PANX2: variants seen among roughly 807,000 people sequenced by gnomAD.
The protein encoded by PANX2 is pannexin-2.
In PANX2, 30 loss-of-function variants were observed where a neutral mutation model predicts 38.7. That is an observed-to-expected ratio of 0.78 (90% CI 0.58 to 1.05). The LOEUF is 1.05. Among genes scored for constraint, PANX2 ranks in the 50% least tolerant of loss-of-function variants. The pLI is 0.00. For synonymous variants in PANX2, 539 were observed against 472.1 expected, an observed-to-expected ratio of 1.14 and a Z score of -1.84; for missense variants, 880 against 979.3, an observed-to-expected ratio of 0.90 and a Z score of 1.35.
Position 50,178,422 on chromosome 22 carries a change from G to C in PANX2, c.1690+20G>C, listed in dbSNP as rs192666336. 8.3e-4 allele frequency: 1,141 copies of C among 1,374,054 alleles called. 13 individuals are homozygous for C. In the African/African-American group the frequency reaches 0.015, roughly 19 times the overall value. 85.1% of individuals were successfully genotyped at this position (1,374,054 alleles called of 1,614,324 possible). ...TCAAAGGTAGGGGCAGGGCCGGAGA[G>C]AGGGGACGGGGGACTGGGGGTGGGA... On this transcript the variant is annotated intron_variant, in intron 2 of 2. Transcript: ENST00000395842.
Position 50,170,831 on chromosome 22 carries a change from C to T in PANX2, c.101C>T (p.Ala34Val). ...LILPGAQDDK[A>V]GALAALLLQL... ...CTGCCGGGCGCGCAGGACGACAAGG[C>T]GGGCGCGCTGGCCGCGCTGCTTCTG... is the stretch of plus-strand genomic sequence containing the variant. Residue 34 changes from alanine (A) to valine (V), a missense_variant, in exon 1 of 3, where the codon GCG (alanine) becomes GTG (valine). Around this residue, in one of 4 missense-constraint regions of PANX2, gnomAD observed 243 missense variants for 333.1 expected, o/e 0.73. Transcript: ENST00000395842. 3 of 1,486,198 alleles carry T rather than the reference C, an allele frequency of 2.0e-6. No homozygotes were observed. The highest frequency in any genetic ancestry group is 1.9e-4 in the Middle Eastern group (1 of 5,170). 92.1% of individuals were successfully genotyped at this position (1,486,198 alleles called of 1,614,324 possible).
chr22:50,176,846 G>T (rs1364813696), intron 1 of PANX2, 93 bp from the exon 2 acceptor site: 2 of 1,323,294 alleles, frequency 1.5e-6, no homozygotes, highest in Non-Finnish European at 2.0e-6. Flanking sequence ...TCCTGGGAGG[G>T]GTTCGGCAGG....
chr22:50,174,586 C>T (rs2063652316), intron 1 of PANX2, among the ~76,000 whole-genome samples: 1 of 152,232 alleles, frequency 6.6e-6, no homozygotes, highest in African/African-American at 2.4e-5. Flanking sequence ...AGGATCCACA[C>T]AGCAATGTCT....
chr22:50,172,282 C>T (rs1339641552), intron 1 of PANX2, among the ~76,000 whole-genome samples: 1 of 152,230 alleles, frequency 6.6e-6, no homozygotes, highest in Non-Finnish European at 1.5e-5. Context: ...GTCGGCAGGG[C>T]CCTGCTCCCT....
Position 50,178,243 on chromosome 22 carries a change from C to T in PANX2, c.1531C>T (p.Arg511Cys), listed in dbSNP as rs1312645211. The T allele has an allele frequency of 4.0e-6, 6 of 1,514,480 alleles. No homozygotes were observed. Among genetic ancestry groups the T allele is most frequent in the Non-Finnish European group, 5.3e-6 (6 of 1,138,650 alleles). The allele number at this position is 1,514,480 out of a possible 1,614,324, so 93.8% of individuals were successfully genotyped here. ...PPPAPDKKHARHFSLDVHPYI... is the reference protein window; with the variant it reads ...PPPAPDKKHACHFSLDVHPYI... ...GCCCGCCCCTGACAAGAAGCACGCGCGCCACTTCTCCCTGGACGTGCACCC... is the reference window on the plus strand; with the variant it reads ...GCCCGCCCCTGACAAGAAGCACGCGTGCCACTTCTCCCTGGACGTGCACCC... Residue 511 changes from arginine to cysteine, a missense_variant, in exon 2 of 3, where the codon CGC (arginine) becomes TGC (cysteine). Physicochemically the swap from Arg to Cys is radical, Grantham distance 180. Transcript: ENST00000395842.
Position 50,179,026 on chromosome 22 carries a change from C to T in PANX2, c.1783C>T (p.Pro595Ser), listed in dbSNP as rs773415508. 6.2e-7 allele frequency: 1 copy of T among 1,610,814 alleles called. No homozygotes were observed. Among genetic ancestry groups the T allele is most frequent in the South Asian group, 1.1e-5 (1 of 90,876 alleles). Residue 595 changes from proline (P) to serine (S), a missense_variant, in exon 3 of 3, where the codon CCC becomes TCC. Around this residue, in one of 4 missense-constraint regions of PANX2, gnomAD observed 445 missense variants for 404.3 expected, o/e 1.10. Transcript: ENST00000395842. ...SGGPFHVRSP[P>S]AAPAVAPLTP... ...GGGCCCGTTCCACGTCCGCTCACCT[C>T]CCGCCGCCCCTGCTGTGGCCCCTCT...
chr22:50,179,444 G>C lies in PANX2; in HGVS notation c.*167G>C. The stretch of plus-strand genomic sequence containing the variant: ...CTGGGGCCTTCGCCCCCACGTGCTC[G>C]ACAGGGGAACCCGCCCGGACGGCAT... On this transcript the variant is annotated 3_prime_UTR_variant, in exon 3 of 3. Transcript: ENST00000395842. 1.5e-6 allele frequency: 1 copy of C among 656,082 alleles called. No homozygotes were observed. The highest frequency in any genetic ancestry group is 2.9e-5 in the East Asian group (1 of 34,126). The allele number at this position is 656,082 out of a possible 1,614,324, so 40.6% of individuals were successfully genotyped here.
chr22:50,173,618 G>C (rs1438463853), intron 1 of PANX2, among the ~76,000 whole-genome samples: 6 of 152,246 alleles, frequency 3.9e-5, no homozygotes, highest in African/African-American at 1.4e-4. Flanking sequence ...TAGCAGGTGC[G>C]CAGCCACCGC....
chr22:50,171,309 G>A (rs557934978), intron 1 of PANX2, among the ~76,000 whole-genome samples: 200 of 152,332 alleles, frequency 1.3e-3, no homozygotes, highest in African/African-American at 4.3e-3. Flanking sequence ...GGCCAGGTGG[G>A]GACCAGGAAA....
Position 50,180,263 on chromosome 22 carries a change from C to A in PANX2, c.*986C>A, listed in dbSNP as rs556735544. On this transcript the variant is annotated 3_prime_UTR_variant, in exon 3 of 3. Coordinates refer to ENST00000395842, the MANE Select transcript of PANX2 (RefSeq NM_052839.4). ...TCATGCAGAATTAACAAGGTAGCACCGAGCATATCAATAAATATTATTCTG... is the reference window on the plus strand; with the variant it reads ...TCATGCAGAATTAACAAGGTAGCACAGAGCATATCAATAAATATTATTCTG... 6.6e-6 allele frequency: 1 copy of A among 152,402 alleles called. No individual in the cohort carries two copies. Among genetic ancestry groups the A allele is most frequent in the African/African-American group, 2.4e-5 (1 of 41,598 alleles). 9.4% of individuals were successfully genotyped at this position (152,402 alleles called of 1,614,324 possible).
intron 1 of PANX2, 67 bp downstream of exon 1, chr22:50,171,023 G>T: frequency 1.2e-6 from 1 of 824,736 alleles, no homozygotes; most frequent in Non-Finnish European, 1.7e-6. Context: ...GGGAGCTGGC[G>T]CTTCCCGCGT....
At position 50,170,881 on chromosome 22, in the gene PANX2, G is replaced by A; in HGVS notation, c.151G>A (p.Asp51Asn). The A allele has an allele frequency of 6.6e-7, 1 of 1,517,386 alleles. No homozygotes were observed. The highest frequency in any genetic ancestry group is 1.4e-5 in the African/African-American group (1 of 69,868). 94.0% of individuals were successfully genotyped at this position (1,517,386 alleles called of 1,614,324 possible). A position where few individuals can be genotyped will look rare whatever the true frequency, so the allele number is the denominator to read the frequency against. ...LLQLKLELPFDRVVTIGTVLV... is the reference protein window; with the variant it reads ...LLQLKLELPFNRVVTIGTVLV... ...GCAGCTGAAGCTGGAGCTGCCGTTCGACCGGGTGGTCACCATCGGCACCGT... is the reference window on the plus strand; with the variant it reads ...GCAGCTGAAGCTGGAGCTGCCGTTCAACCGGGTGGTCACCATCGGCACCGT... Residue 51 changes from aspartate to asparagine, a missense_variant, in exon 1 of 3, where the codon GAC (aspartate) becomes AAC (asparagine). Coordinates refer to ENST00000395842, the MANE Select transcript of PANX2 (RefSeq NM_052839.4).
At chr22:50,178,539 G>T in intron 2 of PANX2, 137 bp downstream of exon 2, 1 of 586,192 alleles carries the variant, frequency 1.7e-6, no homozygotes, top group Non-Finnish European at 2.8e-6. Flanking sequence ...AAAGGGGGAA[G>T]GGAGGAGGCC....
chr22:50,177,246 G>A lies in PANX2; in HGVS notation c.534G>A (p.Lys178=), dbSNP rs769411522. 3.1e-6 allele frequency: 5 copies of A among 1,612,256 alleles called. No individual in the cohort carries two copies. In the Admixed American group the frequency reaches 6.7e-5, roughly 22 times the overall value. Residue 178 remains lysine (K), a synonymous_variant, in exon 2 of 3, where the codon AAG becomes AAA. Coordinates refer to ENST00000395842, the MANE Select transcript of PANX2 (RefSeq NM_052839.4). ...AGGGCCGCGCGCCCAAGATCGAGAA[G>A]CAGATCCAGTCCAAGGGCCCGGGCA... ...AAEGRAPKIE[K]QIQSKGPGIT... is the part of the protein sequence containing the mutation.
rs768269340 is a variant in PANX2 at position 50,178,223 on chromosome 22, C to T, written c.1511C>T (p.Ala504Val). 6 of 1,493,440 alleles carry T rather than the reference C, an allele frequency of 4.0e-6. No individual in the cohort carries two copies. In the Admixed American group the frequency reaches 7.0e-5, roughly 18 times the overall value. 92.5% of individuals were successfully genotyped at this position (1,493,440 alleles called of 1,614,324 possible). A position where few individuals can be genotyped will look rare whatever the true frequency, so the allele number is the denominator to read the frequency against. ...GCCCCTGCCCCCGCCCCGCCGCCCG[C>T]CCCTGACAAGAAGCACGCGCGCCAC... ...GPAPAPAPPP[A>V]PDKKHARHFS... The change falls in exon 2 of 3, where the codon GCC becomes GTC. Residue 504 changes from alanine (A) to valine (V), a missense_variant. Ala to Val is a moderately conservative substitution (Grantham distance 64). Around this residue, in one of 4 missense-constraint regions of PANX2, gnomAD observed 445 missense variants for 404.3 expected, o/e 1.10. Coordinates refer to ENST00000395842, the MANE Select transcript of PANX2 (RefSeq NM_052839.4).
At position 50,177,595 on chromosome 22, in the gene PANX2, ATCGTGC is replaced by A; in HGVS notation, c.885_890del (p.Ile295_Leu297delinsMet). 6.2e-7 allele frequency: 1 copy of A among 1,612,866 alleles called. No individual in the cohort carries two copies. Among genetic ancestry groups the A allele is most frequent in the African/African-American group, 1.3e-5 (1 of 75,066 alleles). ...GCAGCGCATCATCGCGGGCGTGGAC[ATCGTGC>A]TGCTGTGCGTCATGAACCTCATCAT... On this transcript the variant is annotated inframe_deletion, in exon 2 of 3. Transcript: ENST00000395842.
At chr22:50,176,042 G>A (rs1234745620) in intron 1 of PANX2, among the ~76,000 whole-genome samples, 1 of 152,172 alleles carries the variant, frequency 6.6e-6, no homozygotes. Context: ...GGGCCTCCGC[G>A]CCTGTGCTGT....
In PANX2 at chr22:50,179,383, C is replaced by A; in HGVS notation, c.*106C>A. 2.0e-6 allele frequency: 2 copies of A among 1,017,116 alleles called. No individual in the cohort carries two copies. The highest frequency in any genetic ancestry group is 2.6e-5 in the East Asian group (1 of 38,256). The allele number at this position is 1,017,116 out of a possible 1,614,324, so 63.0% of individuals were successfully genotyped here. On this transcript the variant is annotated 3_prime_UTR_variant, in exon 3 of 3. Coordinates refer to ENST00000395842, the MANE Select transcript of PANX2 (RefSeq NM_052839.4). Reference sequence around the variant, plus strand: ...TGCGTGGACGTGGCCTGTGCTTCGCCCGCACTGCGCGCATCCCCAACCTCT... The same window carrying A: ...TGCGTGGACGTGGCCTGTGCTTCGCACGCACTGCGCGCATCCCCAACCTCT...
rs1395269961 is a variant in PANX2, at chr22:50,176,960, C to T, written c.248C>T (p.Thr83Ile). 2 of 1,552,490 alleles carry T rather than the reference C, an allele frequency of 1.3e-6. No homozygotes were observed. The highest frequency in any genetic ancestry group is 1.2e-5 in the South Asian group (1 of 82,872). ...CCAGAGGAACCCATTTACTGTTACA[C>T]CCCGCACAACTTCACGCGCGACCAG... is the stretch of plus-strand genomic sequence containing the variant. ...NFAEEPIYCYTPHNFTRDQAL... is the reference protein window; with the variant it reads ...NFAEEPIYCYIPHNFTRDQAL... Residue 83 changes from threonine to isoleucine, a missense_variant, in exon 2 of 3, where the codon ACC becomes ATC. By Grantham distance (89) the Thr-to-Ile change is moderately conservative. Coordinates refer to ENST00000395842, the MANE Select transcript of PANX2 (RefSeq NM_052839.4).
Sources: allele counts gnomAD v4.1 joint callset (sites outside exome capture counted in the v4.1 genomes callset), GRCh38; gene constraint gnomAD v4.1.1; regional missense constraint gnomAD v4.1.1; transcripts MANE v1.5; gene names NCBI Gene and HGNC (gene_info 2026-07-23, HGNC 2026-07-21).